Variants in GALNTL6 observed in about 807,000 individuals in gnomAD.
The protein encoded by GALNTL6 is polypeptide N-acetylgalactosaminyltransferase-like 6.
Under a neutral mutation model 73.7 loss-of-function variants are expected in GALNTL6, and 46 were observed. That is an observed-to-expected ratio of 0.62 (90% confidence interval 0.49 to 0.80). GALNTL6 has a LOEUF of 0.80. Ranked by LOEUF, GALNTL6 falls within the 30% of genes least tolerant of loss-of-function variation. The pLI is 0.00. For missense variants in GALNTL6, 604 were observed against 755.0 expected, an observed-to-expected ratio of 0.80 and a Z score of 2.34; for synonymous variants, 259 against 263.7, an observed-to-expected ratio of 0.98 and a Z score of 0.17.
At chr4:172,161,551 G>A (rs1201300456) in intron 2 of GALNTL6, among the ~76,000 whole-genome samples, 1 of 151,866 alleles carries the variant, frequency 6.6e-6, no homozygotes, top group Non-Finnish European at 1.5e-5. Flanking sequence ...TGAGAATAAG[G>A]GTAGGGAGAT....
intron 2 of GALNTL6, among the ~76,000 whole-genome samples, chr4:172,096,615 CAT>C (rs1272880909): frequency 6.6e-6 from 1 of 151,390 alleles, no homozygotes; most frequent in Non-Finnish European, 1.5e-5. Flanking sequence ...AGGATTCTTA[CAT>C]GTTTTGTTTG....
At chr4:172,051,763 T>A (rs1242868291) in intron 2 of GALNTL6, among the ~76,000 whole-genome samples, 1 of 152,166 alleles carries the variant, frequency 6.6e-6, no homozygotes, top group Non-Finnish European at 1.5e-5. Context: ...CTGTTCCCAC[T>A]TAGGGCCATG....
chr4:171,942,146 T>G (rs990039791), intron 2 of GALNTL6, among the ~76,000 whole-genome samples: 3 of 151,818 alleles, frequency 2.0e-5, no homozygotes, highest in Non-Finnish European at 4.4e-5. Context: ...ATCCCAGCAC[T>G]TTGGGAGGCC....
chr4:171,823,152 C>T (rs1440737679), intron 2 of GALNTL6, among the ~76,000 whole-genome samples: 2 of 152,086 alleles, frequency 1.3e-5, no homozygotes, highest in African/African-American at 4.8e-5. Context: ...ATTATAGTTA[C>T]ACACAATTGT....
Position 172,069,480 on chromosome 4 carries a change from A to ATG in GALNTL6, c.139-160175_139-160174insGT, listed in dbSNP as rs1235332452. Among the ~76,000 whole-genome samples the ATG allele has an allele frequency of 3.1e-3, 95 of 30,598 alleles. 24 individuals are homozygous for ATG. Among genetic ancestry groups the ATG allele is most frequent in the Non-Finnish European group, 6.1e-3 (49 of 7,970 alleles). 20.1% of individuals were successfully genotyped at this position (30,598 alleles called of 152,430 possible). On this transcript the variant is annotated intron_variant, in intron 2 of 12. Transcript: ENST00000506823. ...AACACACATATAACATATATGTTAT[A>ATG]TATAACACATATGTTATATGTATAA...
At chr4:172,204,491 A>T (rs1414671960) in intron 2 of GALNTL6, among the ~76,000 whole-genome samples, 1 of 152,146 alleles carries the variant, frequency 6.6e-6, no homozygotes, top group Non-Finnish European at 1.5e-5. Context: ...TTCATAGGTA[A>T]TAATGTCTTT....
intron 2 of GALNTL6, among the ~76,000 whole-genome samples, chr4:172,158,839 G>A (rs1460880421): frequency 6.6e-6 from 1 of 151,926 alleles, no homozygotes; most frequent in Non-Finnish European, 1.5e-5. Flanking sequence ...TTCTAAATCA[G>A]ACAAAGAATT....
chr4:171,851,984 T>G (rs1735535621), intron 2 of GALNTL6, among the ~76,000 whole-genome samples: 1 of 152,258 alleles, frequency 6.6e-6, no homozygotes, highest in South Asian at 2.1e-4. Context: ...GTATTTGCTT[T>G]GTTTTTCCAA....
At chr4:172,035,520 T>G (rs1035499306) in intron 2 of GALNTL6, among the ~76,000 whole-genome samples, 2 of 152,098 alleles carry the variant, frequency 1.3e-5, no homozygotes, top group Admixed American at 1.3e-4. Context: ...GCATTTCATG[T>G]GACAATAATT....
intron 2 of GALNTL6, among the ~76,000 whole-genome samples, chr4:172,070,962 A>G (rs1201878739): frequency 9.1e-6 from 1 of 109,734 alleles, no homozygotes; most frequent in Non-Finnish European, 2.0e-5. Flanking sequence ...AAAAATACTA[A>G]GTTAGTTGTG....
At chr4:172,966,999 C>T (rs1323419347) in intron 10 of GALNTL6, among the ~76,000 whole-genome samples, 2 of 152,204 alleles carry the variant, frequency 1.3e-5, no homozygotes, top group South Asian at 2.1e-4. Flanking sequence ...CTACCTCTGT[C>T]GTGGTTTGGG....
chr4:171,906,739 TC>T (rs1737293900), intron 2 of GALNTL6, among the ~76,000 whole-genome samples: 1 of 152,018 alleles, frequency 6.6e-6, no homozygotes, highest in African/African-American at 2.4e-5. Flanking sequence ...GATGCAAAAA[TC>T]CTGAATAAAA....
intron 7 of GALNTL6, among the ~76,000 whole-genome samples, chr4:172,821,152 G>A (rs1377482487): frequency 6.6e-6 from 1 of 152,166 alleles, no homozygotes; most frequent in Non-Finnish European, 1.5e-5. Context: ...TTAACTCTAT[G>A]TAATAATCCC....
chr4:171,983,123 C>A (rs1246839676), intron 2 of GALNTL6, among the ~76,000 whole-genome samples: 1 of 152,136 alleles, frequency 6.6e-6, no homozygotes. Flanking sequence ...ACATCCTCCC[C>A]CTTGTCTAAA....
intron 2 of GALNTL6, among the ~76,000 whole-genome samples, chr4:171,928,271 C>T (rs1738056214): frequency 6.6e-6 from 1 of 152,076 alleles, no homozygotes. Context: ...AATATAGTCA[C>T]TATTATTACT....
At chr4:172,304,036 C>T (rs1404467571) in intron 3 of GALNTL6, among the ~76,000 whole-genome samples, 1 of 151,428 alleles carries the variant, frequency 6.6e-6, no homozygotes. Flanking sequence ...GCTCTCAATG[C>T]TCCTAGATTA....
intron 2 of GALNTL6, among the ~76,000 whole-genome samples, chr4:172,097,731 A>G (rs982024811): frequency 6.6e-6 from 1 of 152,228 alleles, no homozygotes; most frequent in African/African-American, 2.4e-5. Flanking sequence ...TTATTAAGAA[A>G]GAAAAGCAAA....
intron 5 of GALNTL6, among the ~76,000 whole-genome samples, chr4:172,397,217 A>G (rs1743880698): frequency 6.6e-6 from 1 of 152,014 alleles, no homozygotes; most frequent in Non-Finnish European, 1.5e-5. Context: ...ATTACATATG[A>G]CTCTATTTGG....
chr4:172,988,882 G>A (rs1424011554), intron 10 of GALNTL6, among the ~76,000 whole-genome samples: 2 of 152,234 alleles, frequency 1.3e-5, no homozygotes, highest in African/African-American at 4.8e-5. Context: ...TCAGGCTTGG[G>A]AGCCTCCATC....
Sources: allele counts gnomAD v4.1 joint callset (sites outside exome capture counted in the v4.1 genomes callset), GRCh38; gene constraint gnomAD v4.1.1; transcripts MANE v1.5; gene names NCBI Gene and HGNC (gene_info 2026-07-23, HGNC 2026-07-21).